The following NR3C2 variants were observed in gnomAD, a reference collection of about 807,000 sequenced individuals.
NR3C2 encodes the protein nuclear receptor subfamily 3 group C member 2, also known as mineralocorticoid receptor.
NR3C2 carries 15 observed loss-of-function variants against 86.4 expected under a neutral mutation model. The observed-to-expected ratio is 0.17, with a 90% CI of 0.12 to 0.27. The LOEUF (loss-of-function observed/expected upper bound fraction) is 0.27, where lower values mean the gene tolerates loss of function less well. Ranked by LOEUF, NR3C2 falls within the 10% of genes least tolerant of loss-of-function variation. NR3C2 has a pLI of 1.00. For missense variants in NR3C2, 960 were observed against 1,195.6 expected (o/e 0.80, Z 2.91); for synonymous variants, 458 against 450.5 (o/e 1.02, Z -0.21).
intron 2 of NR3C2, among the ~76,000 whole-genome samples, chr4:148,427,530 G>A (rs571309704): frequency 1.3e-5 from 2 of 151,786 alleles, no homozygotes; most frequent in African/African-American, 4.8e-5. Context: ...GAGACAGGAG[G>A]GCACCTGTGT....
chr4:148,097,748 TTTG>T lies in NR3C2; in HGVS notation c.2800-16252_2800-16250del, dbSNP rs1338947340. ...ATGATGAGACTTTTTTGCGTTTTTT[TTTG>T]TTTTTTTTTTTTTTTTTAAGCTCAT... On this transcript the variant is annotated intron_variant, in intron 8 of 8. Coordinates refer to ENST00000358102, the MANE Select transcript of NR3C2 (RefSeq NM_000901.5). Among the ~76,000 whole-genome samples the T allele has an allele frequency of 1.4e-4, 16 of 113,630 alleles. 1 individual carries two copies. Among genetic ancestry groups the T allele is most frequent in the African/African-American group, 4.6e-4 (8 of 17,474 alleles). 74.5% of individuals were successfully genotyped at this position (113,630 alleles called of 152,430 possible). A position where few individuals can be genotyped will look rare whatever the true frequency, so the allele number is the denominator to read the frequency against.
At chr4:148,100,979 T>C (rs1731508323) in intron 8 of NR3C2, among the ~76,000 whole-genome samples, 1 of 152,110 alleles carries the variant, frequency 6.6e-6, no homozygotes, top group Non-Finnish European at 1.5e-5. Context: ...ACAAATACTG[T>C]ATGTCTCCTC....
chr4:148,216,931 T>A (rs1442909695), intron 3 of NR3C2, among the ~76,000 whole-genome samples: 1 of 152,170 alleles, frequency 6.6e-6, no homozygotes, highest in East Asian at 1.9e-4. Context: ...GTGGCCAAAG[T>A]CTTTTTTACC....
At chr4:148,088,069 T>A (rs1479215292) in intron 8 of NR3C2, among the ~76,000 whole-genome samples, 2 of 152,206 alleles carry the variant, frequency 1.3e-5, no homozygotes, top group African/African-American at 4.8e-5. Flanking sequence ...GAGACTCTTC[T>A]CAAAAGAAGA....
intron 4 of NR3C2, among the ~76,000 whole-genome samples, chr4:148,174,165 G>A (rs1030789703): frequency 6.6e-6 from 1 of 152,206 alleles, no homozygotes; most frequent in Admixed American, 6.5e-5. Context: ...AAGCCTGCCT[G>A]GGAATGGGAC....
Position 148,316,413 on chromosome 4 carries a change from T to C in NR3C2, c.1758-56296A>G, listed in dbSNP as rs1743176283. Among the ~76,000 whole-genome samples the C allele has an allele frequency of 2.6e-5, 4 of 152,178 alleles. No individual in the cohort carries two copies. The South Asian group carries it at 8.3e-4, about 31-fold the overall frequency. On this transcript the variant is annotated intron_variant, in intron 2 of 8. Transcript: ENST00000358102. ...TATTTAAGGAGAAATTTAGATTATT[T>C]ACTTTCCGAGAAGCCACAACCCAGG...
At chr4:148,102,079 C>T (rs1245183103) in intron 8 of NR3C2, among the ~76,000 whole-genome samples, 1 of 152,190 alleles carries the variant, frequency 6.6e-6, no homozygotes, top group Non-Finnish European at 1.5e-5. Flanking sequence ...TCAGGCCCCT[C>T]GTTGGCAAAA....
chr4:148,269,511 T>G (rs1215272594), intron 2 of NR3C2, among the ~76,000 whole-genome samples: 1 of 152,232 alleles, frequency 6.6e-6, no homozygotes, highest in Non-Finnish European at 1.5e-5. Flanking sequence ...AGTATGCACT[T>G]GAGCATATAC....
rs964353679 is a variant in NR3C2 at position 148,306,487 on chromosome 4, A to G, written c.1758-46370T>C. Among the ~76,000 whole-genome samples, 17 of 152,182 alleles carry G rather than the reference A, an allele frequency of 1.1e-4. 1 individual carries two copies. The highest frequency in any genetic ancestry group is 1.1e-3 in the Admixed American group (17 of 15,280). On this transcript the variant is annotated intron_variant, in intron 2 of 8. Transcript: ENST00000358102. ...AGTTTAAAATACTAAACTACCACCA[A>G]CTGGACAAATTTATTTCCTCCCTTA...
At chr4:148,323,996 C>T (rs1240968015) in intron 2 of NR3C2, among the ~76,000 whole-genome samples, 2 of 152,208 alleles carry the variant, frequency 1.3e-5, no homozygotes, top group Non-Finnish European at 2.9e-5. Context: ...TCACAAATTT[C>T]TCACCTCTGC....
At chr4:148,210,240 G>T (rs945853219) in intron 3 of NR3C2, among the ~76,000 whole-genome samples, 1 of 152,108 alleles carries the variant, frequency 6.6e-6, no homozygotes, top group East Asian at 1.9e-4. Context: ...ACCCAGGCTG[G>T]AGTGCAGTGG....
At chr4:148,173,482 G>A (rs1337848559) in intron 4 of NR3C2, among the ~76,000 whole-genome samples, 1 of 152,118 alleles carries the variant, frequency 6.6e-6, no homozygotes, top group African/African-American at 2.4e-5. Flanking sequence ...AAGGGGCCAC[G>A]AGCCAAAGAA....
At chr4:148,147,847 T>C (rs962533987) in intron 6 of NR3C2, among the ~76,000 whole-genome samples, 4 of 152,160 alleles carry the variant, frequency 2.6e-5, no homozygotes, top group Admixed American at 6.5e-5. Context: ...TGGCAGGCAA[T>C]GTGTGAGGCA....
chr4:148,392,868 C>T (rs1481330158), intron 2 of NR3C2, among the ~76,000 whole-genome samples: 1 of 152,134 alleles, frequency 6.6e-6, no homozygotes, highest in Non-Finnish European at 1.5e-5. Flanking sequence ...GAATGATACA[C>T]CTCCATAGTA....
chr4:148,133,938 C>T (rs745355086), intron 6 of NR3C2, among the ~76,000 whole-genome samples: 4 of 152,164 alleles, frequency 2.6e-5, no homozygotes, highest in Non-Finnish European at 5.9e-5. Flanking sequence ...TTTCTATCTT[C>T]TTACTTTGGA....
intron 2 of NR3C2, among the ~76,000 whole-genome samples, chr4:148,408,329 TA>T (rs1378031452): frequency 1.3e-5 from 2 of 152,138 alleles, no homozygotes; most frequent in South Asian, 4.1e-4. Context: ...AGGTAACTGA[TA>T]AAAAACAAAA....
At chr4:148,098,414 G>A (rs1160503015) in intron 8 of NR3C2, among the ~76,000 whole-genome samples, 1 of 152,106 alleles carries the variant, frequency 6.6e-6, no homozygotes, top group Non-Finnish European at 1.5e-5. Flanking sequence ...AGACAGCACT[G>A]GGGCTCTATG....
intron 3 of NR3C2, among the ~76,000 whole-genome samples, chr4:148,201,419 C>T (rs956771746): frequency 2.0e-5 from 3 of 152,128 alleles, no homozygotes; most frequent in East Asian, 1.9e-4. Context: ...ATTTTAGTTT[C>T]GGTGTTTTTA....
At chr4:148,263,117 A>C (rs1245952146) in intron 2 of NR3C2, among the ~76,000 whole-genome samples, 1 of 152,056 alleles carries the variant, frequency 6.6e-6, no homozygotes, top group Admixed American at 6.6e-5. Flanking sequence ...CTATCCCTTA[A>C]TGATCTCATC....
Sources: allele counts gnomAD v4.1 joint callset (sites outside exome capture counted in the v4.1 genomes callset), GRCh38; gene constraint gnomAD v4.1.1; transcripts MANE v1.5; gene names NCBI Gene and HGNC (gene_info 2026-07-23, HGNC 2026-07-21).